EFL1: variants seen among roughly 807,000 people sequenced by gnomAD.
EFL1 encodes elongation factor-like GTPase 1.
In EFL1, 76 loss-of-function variants were observed where a neutral mutation model predicts 126.7. The observed-to-expected ratio is 0.60, with a 90% CI of 0.50 to 0.73. EFL1 has a LOEUF of 0.73. EFL1 is among the 30% of genes least tolerant of loss of function. The pLI is 0.00. For synonymous variants in EFL1, 410 were observed against 448.4 expected, an observed-to-expected ratio of 0.91 and a Z score of 1.08; for missense variants, 1,128 against 1,343.2, an observed-to-expected ratio of 0.84 and a Z score of 2.50.
intron 15 of EFL1, among the ~76,000 whole-genome samples, chr15:82,179,824 C>T (rs1185455247): frequency 1.9e-5 from 2 of 108,024 alleles, no homozygotes; most frequent in Admixed American, 1.4e-4. Context: ...AGAAACGGGG[C>T]GGGGGGCGGG....
intron 11 of EFL1, among the ~76,000 whole-genome samples, chr15:82,225,793 C>T (rs548801213): frequency 1.2e-4 from 18 of 152,028 alleles, no homozygotes; most frequent in Non-Finnish European, 1.9e-4. Context: ...ATTAAGATAC[C>T]AATTCTCCCT....
intron 18 of EFL1, 83 bp downstream of exon 18, chr15:82,151,382 T>C: frequency 7.5e-7 from 1 of 1,329,066 alleles, no homozygotes. Flanking sequence ...AATGAGACCC[T>C]GTCTCAAAAA....
At chr15:82,176,290 TAAAC>T (rs1255263775) in intron 15 of EFL1, among the ~76,000 whole-genome samples, 1 of 152,102 alleles carries the variant, frequency 6.6e-6, no homozygotes, top group Non-Finnish European at 1.5e-5. Flanking sequence ...GCAGATTTCT[TAAAC>T]AAGACACAAA....
intron 14 of EFL1, among the ~76,000 whole-genome samples, chr15:82,217,629 C>T (rs1386871115): frequency 1.3e-5 from 2 of 151,620 alleles, no homozygotes; most frequent in Non-Finnish European, 2.9e-5. Context: ...GAAATACGTA[C>T]ACAGGTTGTA....
rs1474155613 is a variant in EFL1 at position 82,228,291 on chromosome 15, T to A, written c.969A>T (p.Leu323Phe). 1 of 1,613,942 alleles carries A rather than the reference T, an allele frequency of 6.2e-7. No homozygotes were observed. Residue 323 changes from leucine to phenylalanine, a missense_variant, in exon 10 of 20, where the codon TTA (leucine) becomes TTT (phenylalanine). Leu to Phe is a conservative substitution (Grantham distance 22). Around this residue, in one of 6 missense-constraint regions of EFL1, gnomAD observed 316 missense variants for 318.5 expected, o/e 0.99. Transcript: ENST00000268206. The stretch of plus-strand genomic sequence containing the variant: ...CCTCCCGGGCTCCAATTTTTAATCC[T>A]AAAGAAGTCACTATTTTATCAATTT... ...KDKIDKIVTSLGLKIGAREAR... is the reference protein window; with the variant it reads ...KDKIDKIVTSFGLKIGAREAR...
Position 82,241,335 on chromosome 15 carries a change from T to C in EFL1, c.313A>G (p.Thr105Ala), listed in dbSNP as rs1356067253. 5.0e-6 allele frequency: 8 copies of C among 1,614,036 alleles called. No individual in the cohort carries two copies. Among genetic ancestry groups the C allele is most frequent in the Admixed American group, 1.7e-5 (1 of 60,024 alleles). ...GHVDFSSEVS[T>A]AVRICDGCII... Reference sequence around the variant, plus strand: ...CATCCATCACAAATGCGAACAGCGGTTGATACTTCTGAGGAAAAGTCCACG... The same window carrying C: ...CATCCATCACAAATGCGAACAGCGGCTGATACTTCTGAGGAAAAGTCCACG... Residue 105 changes from threonine (T) to alanine (A), a missense_variant, in exon 5 of 20, where the codon ACC becomes GCC. Transcript: ENST00000268206.
chr15:82,181,891 C>T (rs1567053547), intron 15 of EFL1, among the ~76,000 whole-genome samples: 1 of 152,090 alleles, frequency 6.6e-6, no homozygotes, highest in Non-Finnish European at 1.5e-5. Context: ...TTTTCATAAC[C>T]TCCCGCCCTC....
chr15:82,244,935 T>C (rs534467115), intron 4 of EFL1, among the ~76,000 whole-genome samples: 14 of 152,236 alleles, frequency 9.2e-5, no homozygotes, highest in African/African-American at 3.4e-4. Context: ...TGGAAGAAGA[T>C]CTGAACCTCC....
chr15:82,139,648 CACAG>C (rs537245284), intron 18 of EFL1, among the ~76,000 whole-genome samples: 3 of 152,348 alleles, frequency 2.0e-5, no homozygotes, highest in South Asian at 4.1e-4. Flanking sequence ...CATTGAAAAT[CACAG>C]ACAATCATGA....
chr15:82,225,117 A>T (rs62012011), intron 12 of EFL1, 48 bp downstream of exon 12: 6 of 1,454,916 alleles, frequency 4.1e-6, no homozygotes, highest in Non-Finnish European at 5.7e-6. Flanking sequence ...CATCCCACCA[A>T]ACATACACCA....
intron 9 of EFL1, 40 bp downstream of exon 9, chr15:82,228,994 C>G (rs1478514220): frequency 6.6e-7 from 1 of 1,510,864 alleles, no homozygotes; most frequent in Non-Finnish European, 9.0e-7. Flanking sequence ...ACAAATTATA[C>G]TGCCTAAAGA....
intron 10 of EFL1, 140 bp from the exon 11 acceptor site, chr15:82,227,712 T>G: frequency 8.8e-7 from 1 of 1,130,078 alleles, no homozygotes; most frequent in Non-Finnish European, 1.2e-6. Flanking sequence ...CACTGCTTTA[T>G]GCATCACATC....
In EFL1 at chr15:82,250,816, G is replaced by A. The variant is rs542374247; in HGVS notation, c.244+1875C>T. On this transcript the variant is annotated intron_variant, in intron 4 of 19. Coordinates refer to ENST00000268206, the MANE Select transcript of EFL1 (RefSeq NM_024580.6). ...ACTCCAATAAGACTCCTGTTTTTCC[G>A]TTTTCATGAATATTATTTCCAATAT... 2.3e-3 allele frequency among the ~76,000 whole-genome samples: 354 copies of A among 151,914 alleles called. 4 individuals carry two copies. Among genetic ancestry groups the A allele is most frequent in the African/African-American group, 8.1e-3 (336 of 41,324 alleles).
intron 18 of EFL1, among the ~76,000 whole-genome samples, chr15:82,142,419 G>T (rs1050020161): frequency 1.3e-5 from 2 of 152,158 alleles, no homozygotes; most frequent in Non-Finnish European, 2.9e-5. Context: ...GAGCTCAGGA[G>T]TTGGAGGCTG....
intron 15 of EFL1, among the ~76,000 whole-genome samples, chr15:82,208,511 C>A (rs1289201935): frequency 1.3e-5 from 2 of 151,980 alleles, no homozygotes; most frequent in African/African-American, 4.8e-5. Context: ...CGAAAGCTTC[C>A]CATTTTAGTA....
At chr15:82,159,870 C>G (rs1806233582) in intron 16 of EFL1, 1 of 152,158 alleles carries the variant, frequency 6.6e-6, no homozygotes, top group African/African-American at 2.4e-5. Context: ...TGTGAGGTGC[C>G]TTTTCCAGTG....
chr15:82,232,856 C>A (rs2074836169), intron 7 of EFL1, among the ~76,000 whole-genome samples: 1 of 152,004 alleles, frequency 6.6e-6, no homozygotes, highest in African/African-American at 2.4e-5. Flanking sequence ...TTTATTGGTA[C>A]AACTGTTTTG....
intron 17 of EFL1, among the ~76,000 whole-genome samples, chr15:82,155,967 A>G (rs1435172265): frequency 6.6e-6 from 1 of 152,184 alleles, no homozygotes; most frequent in South Asian, 2.1e-4. Context: ...TATTGGGGAT[A>G]TAAGTCTGTT....
intron 4 of EFL1, among the ~76,000 whole-genome samples, chr15:82,247,575 T>A (rs187894822): frequency 1.3e-5 from 2 of 152,052 alleles, no homozygotes; most frequent in East Asian, 3.9e-4. Flanking sequence ...GGCAATCCCA[T>A]ATGCTAACCC....
Sources: gnomAD v4.1 joint callset for allele counts (sites outside exome capture counted in the v4.1 genomes callset) on GRCh38, gnomAD v4.1.1 for gene constraint, gnomAD v4.1.1 regional missense constraint, MANE v1.5 for transcripts, NCBI Gene and HGNC (gene_info 2026-07-23, HGNC 2026-07-21) for gene names.